Variants in REXO1 observed in about 807,000 individuals in gnomAD.
The protein encoded by REXO1 is REX1, RNA exonuclease 1 homolog.
A neutral mutation model predicts 102.6 loss-of-function variants in REXO1; 42 were observed. That is an observed-to-expected ratio of 0.41 (90% confidence interval 0.32 to 0.53). The LOEUF is 0.53. Among genes scored for constraint, REXO1 ranks in the 20% least tolerant of loss-of-function variants. The probability of loss-of-function intolerance (pLI) is 0.27; values close to 1 mark genes in which losing one functional copy is unlikely to be tolerated. For synonymous variants in REXO1, 908 were observed against 779.1 expected (o/e 1.17, Z -2.76); for missense variants, 1,819 against 1,732.5 (o/e 1.05, Z -0.89).
chr19:1,833,929 A>G (rs2069971493), intron 1 of REXO1, among the ~76,000 whole-genome samples: 1 of 152,196 alleles, frequency 6.6e-6, no homozygotes, highest in East Asian at 1.9e-4. Context: ...CCAAGGCTCC[A>G]GCTAACGGGG....
chr19:1,835,059 C>G, intron 1 of REXO1: 1 of 343,482 alleles, frequency 2.9e-6, no homozygotes, highest in Non-Finnish European at 6.3e-6. Context: ...CAGCTCAGAA[C>G]AGGGGGTACG....
chr19:1,817,092 C>G (rs963932662), intron 12 of REXO1, 127 bp downstream of exon 12: 31 of 1,163,850 alleles, frequency 2.7e-5, no homozygotes, highest in Non-Finnish European at 3.5e-5. Flanking sequence ...CCACAGGCAC[C>G]GGTGCTGCGA....
At chr19:1,816,638 TGGG>T in intron 13 of REXO1, 57 bp downstream of exon 13, 2 of 275,658 alleles carry the variant, frequency 7.3e-6, no homozygotes, top group Non-Finnish European at 1.4e-5. Context: ...CGGGGGAGGG[TGGG>T]TCCCTGGGGA....
At position 1,819,064 on chromosome 19, in the gene REXO1, G is replaced by T; in HGVS notation, c.2718C>A (p.Ser906Arg). ...VLGGRLAAKT[S>R]FSLSRPSSPR... ...GGCTGCTTGGACGGCTGAGCGAGAA[G>T]CTGGTCTTGGCGGCCAACCTGCCCC... The change falls in exon 8 of 16, where the codon AGC becomes AGA. Residue 906 changes from serine to arginine, a missense_variant. Coordinates refer to ENST00000170168, the MANE Select transcript of REXO1 (RefSeq NM_020695.4). The T allele has an allele frequency of 6.2e-7, 1 of 1,601,546 alleles. No homozygotes were observed. Among genetic ancestry groups the T allele is most frequent in the Non-Finnish European group, 8.5e-7 (1 of 1,173,088 alleles).
rs147979300 is a variant in REXO1 at position 1,817,812 on chromosome 19, C to T, written c.3017-32G>A. Reference sequence around the variant, plus strand: ...GGGACACAGACACACAGTCAGGGCCCGGCCAGGCCCACTCCACAGCCCCCG... The same window carrying T: ...GGGACACAGACACACAGTCAGGGCCTGGCCAGGCCCACTCCACAGCCCCCG... On this transcript the variant is annotated intron_variant, in intron 10 of 15. Coordinates refer to ENST00000170168, the MANE Select transcript of REXO1 (RefSeq NM_020695.4). 5,620 of 1,584,236 alleles carry T rather than the reference C, an allele frequency of 3.5e-3. 281 individuals carry two copies. In the Admixed American group the frequency reaches 0.085, roughly 24 times the overall value.
intron 9 of REXO1, 47 bp downstream of exon 9, chr19:1,818,659 C>T (rs1229336231): frequency 2.5e-5 from 41 of 1,608,534 alleles, no homozygotes; most frequent in Non-Finnish European, 3.4e-5. Flanking sequence ...CGGCCTTGCC[C>T]ACATCCCGCA....
Position 1,828,440 on chromosome 19 carries a change from G to T in REXO1, c.349C>A (p.Arg117Ser). Residue 117 changes from arginine to serine, a missense_variant, in exon 2 of 16, where the codon CGT (arginine) becomes AGT (serine). By Grantham distance (110) the Arg-to-Ser change is moderately radical. Transcript: ENST00000170168. ...RRYRELLETT[R>S]EHRSAEAPAL... ...GGGGCCTCGGCGGAGCGGTGCTCACGGGTCGTCTCCAGCAGCTCCCGGTAG... is the reference window on the plus strand; with the variant it reads ...GGGGCCTCGGCGGAGCGGTGCTCACTGGTCGTCTCCAGCAGCTCCCGGTAG... 2 of 1,609,008 alleles carry T rather than the reference G, an allele frequency of 1.2e-6. No individual in the cohort carries two copies. The highest frequency in any genetic ancestry group is 1.7e-6 in the Non-Finnish European group (2 of 1,179,254).
At chr19:1,817,993 C>A (rs2069421258) in intron 10 of REXO1, among the ~76,000 whole-genome samples, 1 of 152,238 alleles carries the variant, frequency 6.6e-6, no homozygotes, top group Non-Finnish European at 1.5e-5. Flanking sequence ...CCAGTGCCCT[C>A]TGCAGAGGCC....
At chr19:1,839,242 G>A (rs1022867037) in intron 1 of REXO1, among the ~76,000 whole-genome samples, 2 of 144,640 alleles carry the variant, frequency 1.4e-5, no homozygotes, top group African/African-American at 2.7e-5. Context: ...GCGACAGAGC[G>A]AGACTCTATC....
intron 10 of REXO1, 45 bp downstream of exon 10, chr19:1,818,409 TGGGGGCCTCAAGGGAGGGCCCAGGTTCC>T: frequency 6.0e-6 from 7 of 1,159,148 alleles, no homozygotes; most frequent in Non-Finnish European, 8.8e-6. Flanking sequence ...ACCCCAGTTC[TGGGGGCCTCAAGGGAGGGCCCAGGTTCC>T]GGGGGCCATG....
At chr19:1,819,174 G>C (rs373102763) in intron 7 of REXO1, 43 bp from the exon 8 acceptor site, 529 of 1,448,946 alleles carry the variant, frequency 3.7e-4, no homozygotes, top group Non-Finnish European at 4.8e-4. Flanking sequence ...GAAGTAGCTG[G>C]CTCAGACCCC....
At chr19:1,837,488 A>C (rs1259619296) in intron 1 of REXO1, among the ~76,000 whole-genome samples, 1 of 152,180 alleles carries the variant, frequency 6.6e-6, no homozygotes, top group Non-Finnish European at 1.5e-5. Context: ...TCACCTGGAG[A>C]GGGCTTCGAG....
Position 1,816,120 on chromosome 19 carries a change from G to A in REXO1, c.3612C>T (p.Ala1204=), listed in dbSNP as rs2069353963. The A allele has an allele frequency of 1.3e-6, 2 of 1,549,622 alleles. No individual in the cohort carries two copies. Among genetic ancestry groups the A allele is most frequent in the African/African-American group, 1.4e-5 (1 of 73,070 alleles). ...DGHSSSEDAG[A]CMHLVIWKVR... The stretch of plus-strand genomic sequence containing the variant: ...CCTTCCAGATCACCAGGTGCATGCA[G>A]GCGCCGGCGTCCTCGCTGGAGCTGT... The change falls in exon 16 of 16, where the codon GCC becomes GCT. Residue 1204 remains alanine, a synonymous_variant. Coordinates refer to ENST00000170168, the MANE Select transcript of REXO1 (RefSeq NM_020695.4).
At chr19:1,844,229 G>A (rs145971531) in intron 1 of REXO1, among the ~76,000 whole-genome samples, 2 of 152,340 alleles carry the variant, frequency 1.3e-5, no homozygotes, top group East Asian at 1.9e-4. Context: ...CCAGCCACGC[G>A]TACACAGGTG....
At chr19:1,837,945 C>T (rs553612993) in intron 1 of REXO1, among the ~76,000 whole-genome samples, 2 of 152,352 alleles carry the variant, frequency 1.3e-5, no homozygotes, top group South Asian at 4.1e-4. Flanking sequence ...CGCTGCTGTC[C>T]CAAGGCTTAC....
rs2069398835 is a variant in REXO1 at position 1,817,345 on chromosome 19, G to A, written c.3091-16C>T. 6.2e-7 allele frequency: 1 copy of A among 1,611,128 alleles called. No homozygotes were observed. The highest frequency in any genetic ancestry group is 8.5e-7 in the Non-Finnish European group (1 of 1,179,928). ...GCACGTGTTGCTGGGGGTGGAGAAGGCAGGTGAGGGCAGCTTCGGGGTGCA... is the reference window on the plus strand; with the variant it reads ...GCACGTGTTGCTGGGGGTGGAGAAGACAGGTGAGGGCAGCTTCGGGGTGCA... On this transcript the variant is annotated splice_polypyrimidine_tract_variant and intron_variant, in intron 11 of 15. Coordinates refer to ENST00000170168, the MANE Select transcript of REXO1 (RefSeq NM_020695.4).
intron 1 of REXO1, among the ~76,000 whole-genome samples, chr19:1,845,017 T>C (rs1233672660): frequency 6.6e-6 from 1 of 152,130 alleles, no homozygotes; most frequent in Admixed American, 6.5e-5. Context: ...TGGAAGACAG[T>C]GTCCTGCCTC....
At chr19:1,817,148 A>AGATGGGGCCC (rs1317930494) in intron 12 of REXO1, 71 bp downstream of exon 12, 1 of 1,580,626 alleles carries the variant, frequency 6.3e-7, no homozygotes, top group Non-Finnish European at 8.6e-7. Context: ...AGATGGGGCC[A>AGATGGGGCCC]GATGGGGCGG....
At position 1,815,673 on chromosome 19, in the gene REXO1, G is replaced by A; in HGVS notation, c.*393C>T. On this transcript the variant is annotated 3_prime_UTR_variant, in exon 16 of 16. Coordinates refer to ENST00000170168, the MANE Select transcript of REXO1 (RefSeq NM_020695.4). The surrounding 1 kb of genome is among the most constrained non-coding windows in gnomAD (Gnocchi z 4.0). ...AAAATAACAATACAAAATAAAAAAA[G>A]ACTGTCTCAAACAAACCTGGGACAA... 1.6e-6 allele frequency: 2 copies of A among 1,271,370 alleles called. No homozygotes were observed. The highest frequency in any genetic ancestry group is 1.5e-5 in the African/African-American group (1 of 65,936). 78.8% of individuals were successfully genotyped at this position (1,271,370 alleles called of 1,614,324 possible). A position where few individuals can be genotyped will look rare whatever the true frequency, so the allele number is the denominator to read the frequency against.
Sources: allele counts gnomAD v4.1 joint callset (sites outside exome capture counted in the v4.1 genomes callset), GRCh38; gene constraint gnomAD v4.1.1; non-coding constraint Gnocchi (gnomAD v3.1); transcripts MANE v1.5; gene names NCBI Gene and HGNC (gene_info 2026-07-23, HGNC 2026-07-21).